INVS: variants seen among roughly 807,000 people sequenced by gnomAD.
The protein encoded by INVS is inversin, also known as inversion of embryo turning homolog.
In INVS, 86 loss-of-function variants were observed where a neutral mutation model predicts 108.8. That is an observed-to-expected ratio of 0.79 (90% CI 0.66 to 0.95). INVS has a LOEUF of 0.95. Ranked by LOEUF, INVS falls within the 40% of genes least tolerant of loss-of-function variation. INVS has a pLI of 0.00. For missense variants in INVS, 1,169 were observed against 1,297.4 expected (o/e 0.90, Z 1.52); for synonymous variants, 455 against 473.5 (o/e 0.96, Z 0.51).
At chr9:100,163,299 A>C (rs1376328206) in intron 3 of INVS, among the ~76,000 whole-genome samples, 1 of 151,606 alleles carries the variant, frequency 6.6e-6, no homozygotes, top group Non-Finnish European at 1.5e-5. Context: ...ACCACCTCAC[A>C]TGTTGTTACC....
intron 3 of INVS, among the ~76,000 whole-genome samples, chr9:100,221,588 C>CCTTATCAAACAGCTGA (rs144744389): frequency 6.6e-6 from 1 of 151,834 alleles, no homozygotes; most frequent in African/African-American, 2.4e-5. Context: ...GAGATGCTGG[C>CCTTATCAAACAGCTGA]CTCCTCCCCA....
intron 1 of INVS, among the ~76,000 whole-genome samples, chr9:100,103,627 C>T (rs372862401): frequency 6.9e-5 from 10 of 144,478 alleles, no homozygotes; most frequent in Admixed American, 2.2e-4. Context: ...GACCCTGTCT[C>T]GAAAAGACAA....
intron 5 of INVS, among the ~76,000 whole-genome samples, chr9:100,235,534 A>G (rs1831659139): frequency 6.6e-6 from 1 of 152,116 alleles, no homozygotes; most frequent in Non-Finnish European, 1.5e-5. Context: ...AGTGGTTCCT[A>G]CAGGAACTCT....
At chr9:100,100,691 T>A (rs1284867039) in intron 1 of INVS, among the ~76,000 whole-genome samples, 5 of 1,746 alleles carry the variant, frequency 2.9e-3, no homozygotes, top group East Asian at 0.042. Context: ...ATATATATAT[T>A]ATATATGTAC....
intron 8 of INVS, among the ~76,000 whole-genome samples, chr9:100,249,408 T>A (rs188012716): frequency 1.8e-4 from 28 of 152,306 alleles, no homozygotes; most frequent in Middle Eastern, 3.4e-3. Flanking sequence ...CAAATTTTTT[T>A]AAAAAATAAA....
intron 3 of INVS, among the ~76,000 whole-genome samples, chr9:100,219,273 T>C (rs1187561990): frequency 1.3e-5 from 2 of 151,954 alleles, no homozygotes; most frequent in African/African-American, 4.8e-5. Context: ...CCAGCAAACA[T>C]ATAAAAACAT....
At chr9:100,149,836 G>A (rs767924862) in intron 3 of INVS, among the ~76,000 whole-genome samples, 2 of 152,056 alleles carry the variant, frequency 1.3e-5, no homozygotes, top group African/African-American at 2.4e-5. Context: ...CATAGCAGTT[G>A]GAATAGTTGT....
At chr9:100,158,757 C>T (rs925270851) in intron 3 of INVS, among the ~76,000 whole-genome samples, 9 of 152,178 alleles carry the variant, frequency 5.9e-5, no homozygotes, top group Non-Finnish European at 1.2e-4. Flanking sequence ...CCAAATCCCG[C>T]GTTGAAATTT....
chr9:100,135,404 C>A (rs1010830857), intron 3 of INVS, among the ~76,000 whole-genome samples: 3 of 152,164 alleles, frequency 2.0e-5, no homozygotes, highest in Admixed American at 6.5e-5. Flanking sequence ...GACGTCTGGG[C>A]CCCACCACCA....
intron 16 of INVS, among the ~76,000 whole-genome samples, chr9:100,299,815 G>C (rs1833910972): frequency 6.6e-6 from 1 of 152,066 alleles, no homozygotes; most frequent in South Asian, 2.1e-4. Flanking sequence ...CTGCAGAGGG[G>C]TACACAGATG....
At chr9:100,267,019 TAAAAAAAA>T (rs11415703) in intron 11 of INVS, among the ~76,000 whole-genome samples, 1 of 93,124 alleles carries the variant, frequency 1.1e-5, no homozygotes, top group South Asian at 5.0e-4. Context: ...TTTGAAACTC[TAAAAAAAA>T]AAAAAAAAAA....
intron 3 of INVS, among the ~76,000 whole-genome samples, chr9:100,182,996 C>T (rs561302722): frequency 6.6e-6 from 1 of 152,212 alleles, no homozygotes; most frequent in East Asian, 1.9e-4. Context: ...AAACTGGAAA[C>T]CATCATTCTC....
chr9:100,113,398 A>G (rs1218812103), intron 2 of INVS, among the ~76,000 whole-genome samples: 1 of 152,236 alleles, frequency 6.6e-6, no homozygotes, highest in African/African-American at 2.4e-5. Context: ...CAGAGCAATG[A>G]CCTTTCTTGC....
At chr9:100,270,613 T>C (rs1388057367) in intron 11 of INVS, among the ~76,000 whole-genome samples, 1 of 151,976 alleles carries the variant, frequency 6.6e-6, no homozygotes, top group African/African-American at 2.4e-5. Flanking sequence ...CCGGGTGTGA[T>C]GGCATGTGCC....
chr9:100,161,809 A>C (rs137897030), intron 3 of INVS, among the ~76,000 whole-genome samples: 2 of 152,322 alleles, frequency 1.3e-5, no homozygotes, highest in East Asian at 3.9e-4. Flanking sequence ...TCTTGCCTTG[A>C]TTAGAGTCAA....
At chr9:100,183,319 G>T (rs1174064282) in intron 3 of INVS, among the ~76,000 whole-genome samples, 1 of 152,006 alleles carries the variant, frequency 6.6e-6, no homozygotes, top group Non-Finnish European at 1.5e-5. Flanking sequence ...CATGAATACA[G>T]GTGACAACAT....
chr9:100,125,899 C>T (rs772147408), intron 2 of INVS, among the ~76,000 whole-genome samples: 12 of 151,914 alleles, frequency 7.9e-5, no homozygotes, highest in South Asian at 2.1e-4. Flanking sequence ...TTGGTCAGGC[C>T]GGTCTTGAAC....
At chr9:100,263,018 A>AG (rs1271969966) in intron 10 of INVS, among the ~76,000 whole-genome samples, 1 of 152,140 alleles carries the variant, frequency 6.6e-6, no homozygotes, top group Non-Finnish European at 1.5e-5. Context: ...CGAAAGTGCT[A>AG]GGATTACAGG....
rs1406314900 is a variant in INVS, at chr9:100,182,881, C to T, written c.274-43181C>T. On this transcript the variant is annotated intron_variant, in intron 3 of 16. Coordinates refer to ENST00000262457, the MANE Select transcript of INVS (RefSeq NM_014425.5). ...ATAAGACTTGGAACCAACCCAAATG[C>T]CCATCAGTGATAGACTGGATAAAGA... Among the ~76,000 whole-genome samples, 4 of 152,140 alleles carry T rather than the reference C, an allele frequency of 2.6e-5. No homozygotes were observed. In the East Asian group the frequency reaches 7.7e-4, roughly 29 times the overall value.
Sources: gnomAD v4.1 joint callset for allele counts (sites outside exome capture counted in the v4.1 genomes callset) on GRCh38, gnomAD v4.1.1 for gene constraint, MANE v1.5 for transcripts, NCBI Gene and HGNC (gene_info 2026-07-23, HGNC 2026-07-21) for gene names.